The following OR13G1 variants were observed in gnomAD, a reference collection of about 807,000 sequenced individuals.
OR13G1 encodes olfactory receptor family 13 subfamily G member 1, also known as olfactory receptor 13G1.
For missense variants in OR13G1, 369 were observed against 385.7 expected (o/e 0.96, Z 0.36); for synonymous variants, 128 against 136.2 (o/e 0.94, Z 0.42).
In OR13G1 at chr1:247,672,263, G is replaced by A; in HGVS notation, c.779C>T (p.Ala260Val). ...SPVIYTYIRPASSYTFERDKV... is the reference protein window; with the variant it reads ...SPVIYTYIRPVSSYTFERDKV... The stretch of plus-strand genomic sequence containing the variant: ...GTCTCTTTCAAATGTATAGCTGGAA[G>A]CAGGGCGGATATAGGTGTAGATTAC... The change falls in exon 2 of 2, where the codon GCT (alanine) becomes GTT (valine). Residue 260 changes from alanine to valine, a missense_variant. Ala to Val is a moderately conservative substitution (Grantham distance 64). Coordinates refer to ENST00000642119, the MANE Select transcript of OR13G1 (RefSeq NM_001005487.2). 1 of 1,614,106 alleles carries A rather than the reference G, an allele frequency of 6.2e-7. No individual in the cohort carries two copies. The highest frequency in any genetic ancestry group is 8.5e-7 in the Non-Finnish European group (1 of 1,179,992).
At chr1:247,675,716 T>C (rs1179988237) in intron 1 of OR13G1, among the ~76,000 whole-genome samples, 1 of 152,144 alleles carries the variant, frequency 6.6e-6, no homozygotes. Context: ...GGTGGAGATA[T>C]GTACTATTTT....
chr1:247,677,636 G>T (rs1370704788), intron 1 of OR13G1, among the ~76,000 whole-genome samples: 2 of 152,174 alleles, frequency 1.3e-5, no homozygotes, highest in Admixed American at 6.5e-5. Context: ...ATTTTGTCTG[G>T]CAGGATGCAG....
Position 247,672,879 on chromosome 1 carries a change from G to T in OR13G1, c.163C>A (p.Pro55Thr). 1 of 1,614,078 alleles carries T rather than the reference G, an allele frequency of 6.2e-7. No homozygotes were observed. Among genetic ancestry groups the T allele is most frequent in the Non-Finnish European group, 8.5e-7 (1 of 1,179,988 alleles). The change falls in exon 2 of 2, where the codon CCC (proline) becomes ACC (threonine). Residue 55 changes from proline (P) to threonine (T), a missense_variant. Pro to Thr is a conservative substitution (Grantham distance 38, BLOSUM62 -1). Transcript: ENST00000642119. ...AGTGTCAGAAGGAAAACATACATGGGCGTATGCAAGGTGTTGTTATAGATT... is the reference window on the plus strand; with the variant it reads ...AGTGTCAGAAGGAAAACATACATGGTCGTATGCAAGGTGTTGTTATAGATT... ...AKIYNNTLHT[P>T]MYVFLLTLAV... is the part of the protein sequence containing the mutation.
chr1:247,673,438 G>A (rs1476379979), intron 1 of OR13G1, among the ~76,000 whole-genome samples, 159 bp from the exon 2 acceptor site: 2 of 151,992 alleles, frequency 1.3e-5, no homozygotes, highest in Non-Finnish European at 2.9e-5. Flanking sequence ...CAATGGAGCT[G>A]TAATACAAAT....
At position 247,671,593 on chromosome 1, in the gene OR13G1, G is replaced by A. The variant is rs1659204098; in HGVS notation, c.*525C>T. ...TTGCCCAATAATTTTATTCAGTAGAGCACGATTTTTCTCCAATGAAATCTA... is the reference window on the plus strand; with the variant it reads ...TTGCCCAATAATTTTATTCAGTAGAACACGATTTTTCTCCAATGAAATCTA... On this transcript the variant is annotated 3_prime_UTR_variant, in exon 2 of 2. Transcript: ENST00000642119. 6.4e-6 allele frequency: 1 copy of A among 156,270 alleles called. No individual in the cohort carries two copies. Among genetic ancestry groups the A allele is most frequent in the African/African-American group, 2.4e-5 (1 of 41,444 alleles). 9.7% of individuals were successfully genotyped at this position (156,270 alleles called of 1,614,324 possible).
chr1:247,671,861 G>A lies in OR13G1; in HGVS notation c.*257C>T. ...GTATATGCATATATAAGTATTCGAA[G>A]TTATGTACATATTTTTGGAAAATGT... On this transcript the variant is annotated 3_prime_UTR_variant, in exon 2 of 2. Coordinates refer to ENST00000642119, the MANE Select transcript of OR13G1 (RefSeq NM_001005487.2). The A allele has an allele frequency of 2.2e-6, 1 of 461,314 alleles. No individual in the cohort carries two copies. 28.6% of individuals were successfully genotyped at this position (461,314 alleles called of 1,614,324 possible).
intron 1 of OR13G1, among the ~76,000 whole-genome samples, 189 bp downstream of exon 1, chr1:247,679,451 C>T (rs958033914): frequency 6.7e-6 from 1 of 150,296 alleles, no homozygotes; most frequent in African/African-American, 2.5e-5. Context: ...GCATAAAATC[C>T]CCTGTTTTGA....
rs1448820912 is a variant in OR13G1 at position 247,672,001 on chromosome 1, G to GC, written c.*116dup. On this transcript the variant is annotated 3_prime_UTR_variant, in exon 2 of 2. Coordinates refer to ENST00000642119, the MANE Select transcript of OR13G1 (RefSeq NM_001005487.2). ...AGACAATGAGACTGCTAGGAAGAAG[G>GC]CAGGAATAAGAGGGAAGGGAAAATT... The GC allele has an allele frequency of 2.5e-5, 19 of 768,368 alleles. No homozygotes were observed. The highest frequency in any genetic ancestry group is 3.9e-5 in the Non-Finnish European group (19 of 483,204). 47.6% of individuals were successfully genotyped at this position (768,368 alleles called of 1,614,324 possible).
chr1:247,674,673 G>A (rs959705175), intron 1 of OR13G1, among the ~76,000 whole-genome samples: 1 of 152,096 alleles, frequency 6.6e-6, no homozygotes, highest in African/African-American at 2.4e-5. Flanking sequence ...ATACAATTTT[G>A]TCCTCACAAG....
In OR13G1 at chr1:247,672,424, C is replaced by A; in HGVS notation, c.618G>T (p.Gly206=). 6.2e-7 allele frequency: 1 copy of A among 1,614,002 alleles called. No individual in the cohort carries two copies. The highest frequency in any genetic ancestry group is 1.3e-5 in the African/African-American group (1 of 75,006). ...VYVADITLAI[G]DFILTCISYG... ...AGGAGATGCAGGTAAGAATAAAGTC[C>A]CCTATGGCCAGGGTAATATCAGCAA... is the stretch of plus-strand genomic sequence containing the variant. The change falls in exon 2 of 2, where the codon GGG becomes GGT. Residue 206 remains glycine, a synonymous_variant. Transcript: ENST00000642119.
chr1:247,675,778 A>G (rs182215854), intron 1 of OR13G1, among the ~76,000 whole-genome samples: 29 of 152,258 alleles, frequency 1.9e-4, no homozygotes, highest in African/African-American at 4.8e-5. Flanking sequence ...AAATTCTGCA[A>G]TTGATGTTAG....
chr1:247,678,707 G>T (rs1018707209), intron 1 of OR13G1, among the ~76,000 whole-genome samples: 13 of 152,208 alleles, frequency 8.5e-5, no homozygotes, highest in Non-Finnish European at 1.3e-4. Context: ...AGGAAAGGAA[G>T]ATCAGTGTGA....
rs1473509799 is a variant in OR13G1 at position 247,671,127 on chromosome 1, A to G, written c.*991T>C. On this transcript the variant is annotated 3_prime_UTR_variant, in exon 2 of 2. Transcript: ENST00000642119. Reference sequence around the variant, plus strand: ...TCTCATCCCATCTATGTTACATCCAAATTTTTTCAGGGGTGCCAAGTGCCT... The same window carrying G: ...TCTCATCCCATCTATGTTACATCCAGATTTTTTCAGGGGTGCCAAGTGCCT... The G allele has an allele frequency of 4.6e-5, 7 of 152,182 alleles. No individual in the cohort carries two copies. Among genetic ancestry groups the G allele is most frequent in the South Asian group, 4.1e-4 (2 of 4,824 alleles). The allele number at this position is 152,182 out of a possible 1,614,324, so 9.4% of individuals were successfully genotyped here.
intron 1 of OR13G1, among the ~76,000 whole-genome samples, chr1:247,679,191 ATGAGAAGTT>A (rs1659412210): frequency 6.6e-6 from 1 of 152,132 alleles, no homozygotes; most frequent in Admixed American, 6.6e-5. Context: ...TCCTGATACA[ATGAGAAGTT>A]TTGCAAGCTA....
Position 247,672,031 on chromosome 1 carries a change from TG to T in OR13G1, c.*86del. The T allele has an allele frequency of 9.3e-7, 1 of 1,072,030 alleles. No individual in the cohort carries two copies. Among genetic ancestry groups the T allele is most frequent in the Non-Finnish European group, 1.3e-6 (1 of 744,782 alleles). 66.4% of individuals were successfully genotyped at this position (1,072,030 alleles called of 1,614,324 possible). On this transcript the variant is annotated 3_prime_UTR_variant, in exon 2 of 2. Coordinates refer to ENST00000642119, the MANE Select transcript of OR13G1 (RefSeq NM_001005487.2). The stretch of plus-strand genomic sequence containing the variant: ...AATAAGAGGGAAGGGAAAATTGGAG[TG>T]GAGGTAAGTATGAAAAACCAGTAAA...
In OR13G1 at chr1:247,672,568, A is replaced by G. The variant is rs778616800; in HGVS notation, c.474T>C (p.Ala158=). 5.0e-6 allele frequency: 8 copies of G among 1,614,104 alleles called. No homozygotes were observed. In the Admixed American group the frequency reaches 1.3e-4, roughly 27 times the overall value. The change falls in exon 2 of 2, where the codon GCT becomes GCC. Residue 158 remains alanine (A), a synonymous_variant. Coordinates refer to ENST00000642119, the MANE Select transcript of OR13G1 (RefSeq NM_001005487.2). The part of the protein sequence containing the change: ...IAVTNSWVHT[A]LIMRLTFCGP... ...CACAGAAAGTCAACCTCATGATAAG[A>G]GCTGTGTGCACCCAGGAATTGGTGA...
intron 1 of OR13G1, among the ~76,000 whole-genome samples, chr1:247,674,937 A>T (rs191711018): frequency 6.6e-6 from 1 of 152,222 alleles, no homozygotes. Context: ...TATTTTGAAT[A>T]CGAGATGATT....
Position 247,672,800 on chromosome 1 carries a change from G to T in OR13G1, c.242C>A (p.Thr81Asn). Residue 81 changes from threonine (T) to asparagine (N), a missense_variant, in exon 2 of 2, where the codon ACC becomes AAC. Physicochemically the swap from Thr to Asn is moderately conservative, Grantham distance 65. Coordinates refer to ENST00000642119, the MANE Select transcript of OR13G1 (RefSeq NM_001005487.2). ...AATGGTATTTTCTGATGTTAGCATG[G>T]TCCCCAGCATCTTCGGTATGATGCT... ...TTSIIPKMLGTMLTSENTISY... is the reference protein window; with the variant it reads ...TTSIIPKMLGNMLTSENTISY... 6.2e-7 allele frequency: 1 copy of T among 1,614,046 alleles called. No individual in the cohort carries two copies. The highest frequency in any genetic ancestry group is 8.5e-7 in the Non-Finnish European group (1 of 1,179,988).
chr1:247,675,688 T>C (rs1191944297), intron 1 of OR13G1, among the ~76,000 whole-genome samples: 1 of 152,154 alleles, frequency 6.6e-6, no homozygotes, highest in Non-Finnish European at 1.5e-5. Flanking sequence ...TTGTTCAGGA[T>C]GTCCATCATT....
Sources: gnomAD v4.1 joint callset for allele counts (sites outside exome capture counted in the v4.1 genomes callset) on GRCh38, gnomAD v4.1.1 for gene constraint, MANE v1.5 for transcripts, NCBI Gene and HGNC (gene_info 2026-07-23, HGNC 2026-07-21) for gene names.